Variants in MECOM observed in about 807,000 individuals in gnomAD.
MECOM encodes the protein histone-lysine N-methyltransferase MECOM.
MECOM carries 13 observed loss-of-function variants against 116.3 expected under a neutral mutation model. The ratio of observed to expected loss-of-function variants is 0.11; its 90% CI spans 0.07 to 0.18. The LOEUF (loss-of-function observed/expected upper bound fraction) is 0.18. Among genes scored for constraint, MECOM ranks in the 10% least tolerant of loss-of-function variants. The pLI is 1.00. For missense variants in MECOM, 1,299 were observed against 1,509.0 expected, an observed-to-expected ratio of 0.86 and a Z score of 2.31; for synonymous variants, 528 against 535.2, an observed-to-expected ratio of 0.99 and a Z score of 0.19.
At chr3:169,106,560 C>T (rs994769761) in intron 10 of MECOM, among the ~76,000 whole-genome samples, 20 of 152,060 alleles carry the variant, frequency 1.3e-4, no homozygotes, top group Non-Finnish European at 1.9e-4. Flanking sequence ...ACCTGTGACT[C>T]AATGGAATGG....
chr3:169,457,244 C>A (rs992757246), intron 1 of MECOM, among the ~76,000 whole-genome samples: 1 of 152,140 alleles, frequency 6.6e-6, no homozygotes, highest in Admixed American at 6.5e-5. Context: ...ATGGATGGGG[C>A]AGCGCTTAGG....
chr3:169,293,626 C>A (rs532904450), intron 2 of MECOM, among the ~76,000 whole-genome samples: 1 of 152,310 alleles, frequency 6.6e-6, no homozygotes, highest in African/African-American at 2.4e-5. Context: ...TACTCTTTAT[C>A]CCCTTCCTCA....
intron 1 of MECOM, among the ~76,000 whole-genome samples, chr3:169,575,236 C>T (rs2109481150): frequency 6.6e-6 from 1 of 152,240 alleles, no homozygotes; most frequent in South Asian, 2.1e-4. Flanking sequence ...TTGGCTCCAT[C>T]AAAATAAGTT....
chr3:169,520,249 C>T (rs1432386173), intron 1 of MECOM, among the ~76,000 whole-genome samples: 1 of 152,212 alleles, frequency 6.6e-6, no homozygotes, highest in East Asian at 1.9e-4. Flanking sequence ...CTCCCAGTTA[C>T]TTCTCCAGTA....
In MECOM at chr3:169,298,030, C is replaced by T. The variant is rs1052015903; in HGVS notation, c.375+83157G>A. ...ATCACCATAAAAACTGATTATACAT[C>T]ATCCACGGCAATATTATCATCCAGC... On this transcript the variant is annotated intron_variant, in intron 2 of 16. Transcript: ENST00000651503. 3.9e-5 allele frequency among the ~76,000 whole-genome samples: 6 copies of T among 152,150 alleles called. 1 individual carries two copies. The highest frequency in any genetic ancestry group is 3.9e-4 in the Admixed American group (6 of 15,282).
chr3:169,625,184 T>C (rs140431026), intron 1 of MECOM, among the ~76,000 whole-genome samples: 1 of 152,316 alleles, frequency 6.6e-6, no homozygotes, highest in East Asian at 1.9e-4. Flanking sequence ...GACAAATTAA[T>C]AGTGAGACTT....
At chr3:169,413,208 GCCGAAGCAGGGTGAGGCATTGCCT>G (rs1252506015) in intron 1 of MECOM, among the ~76,000 whole-genome samples, 2 of 152,202 alleles carry the variant, frequency 1.3e-5, no homozygotes, top group Non-Finnish European at 2.9e-5. Flanking sequence ...CAGAGGGCGA[GCCGAAGCAGGGTGAGGCATTGCCT>G]CACCTGCAAA....
chr3:169,393,266 C>A (rs2108348001), intron 1 of MECOM, among the ~76,000 whole-genome samples: 1 of 152,268 alleles, frequency 6.6e-6, no homozygotes, highest in South Asian at 2.1e-4. Flanking sequence ...CTGGCCAGAG[C>A]ACCCTGGAAC....
At chr3:169,567,821 T>A (rs7620590) in intron 1 of MECOM, among the ~76,000 whole-genome samples, 9 of 152,150 alleles carry the variant, frequency 5.9e-5, no homozygotes, top group African/African-American at 1.7e-4. Flanking sequence ...ATATCTGTAC[T>A]CAGAGGTGGT....
At chr3:169,377,863 A>T (rs557194072) in intron 2 of MECOM, among the ~76,000 whole-genome samples, 1 of 152,298 alleles carries the variant, frequency 6.6e-6, no homozygotes, top group East Asian at 1.9e-4. Context: ...CTATAAAGAC[A>T]CATGCACATG....
intron 2 of MECOM, among the ~76,000 whole-genome samples, chr3:169,265,791 T>G (rs1329859587): frequency 6.6e-6 from 1 of 152,238 alleles, no homozygotes; most frequent in Non-Finnish European, 1.5e-5. Flanking sequence ...TATCAGATTC[T>G]AATTCTCTAT....
intron 2 of MECOM, chr3:169,146,710 G>A: frequency 8.0e-7 from 1 of 1,249,844 alleles, no homozygotes; most frequent in Non-Finnish European, 1.0e-6. Flanking sequence ...TTTAAAGTGA[G>A]GAGTTCTCTT....
chr3:169,125,671 G>T (rs1732588768), intron 5 of MECOM, among the ~76,000 whole-genome samples: 1 of 152,076 alleles, frequency 6.6e-6, no homozygotes, highest in Admixed American at 6.6e-5. Flanking sequence ...AAGTAAATGT[G>T]CATTGCTTTC....
At chr3:169,409,696 C>T (rs147027338) in intron 1 of MECOM, among the ~76,000 whole-genome samples, 1,694 of 152,316 alleles carry the variant, frequency 0.011, 137 homozygotes, top group Admixed American at 0.11. Flanking sequence ...ACCCTCATAA[C>T]TGTACTCCCA....
intron 2 of MECOM, among the ~76,000 whole-genome samples, chr3:169,201,719 T>C (rs571010278): frequency 1.3e-5 from 2 of 152,134 alleles, no homozygotes; most frequent in African/African-American, 4.8e-5. Flanking sequence ...TAATGCCAAC[T>C]TGGCTAAACG....
chr3:169,485,984 AGTATATATAT>A (rs1560341053), intron 1 of MECOM, among the ~76,000 whole-genome samples: 1 of 101,840 alleles, frequency 9.8e-6, no homozygotes, highest in Non-Finnish European at 1.8e-5. Context: ...ATATATATAT[AGTATATATAT>A]GTATATATAT....
At chr3:169,108,104 T>G (rs1726059481) in intron 9 of MECOM, 152 bp from the exon 10 acceptor site, 1 of 553,030 alleles carries the variant, frequency 1.8e-6, no homozygotes, top group Non-Finnish European at 3.2e-6. Flanking sequence ...GAAATAAAAA[T>G]TAAATATTGT....
chr3:169,584,331 C>T (rs568652043), intron 1 of MECOM, among the ~76,000 whole-genome samples: 5 of 151,728 alleles, frequency 3.3e-5, no homozygotes, highest in South Asian at 4.2e-4. Flanking sequence ...TTTGGGAGGC[C>T]GGGGCGGGCG....
At chr3:169,635,464 A>G (rs1246613318) in intron 1 of MECOM, among the ~76,000 whole-genome samples, 2 of 152,176 alleles carry the variant, frequency 1.3e-5, no homozygotes, top group Non-Finnish European at 2.9e-5. Flanking sequence ...TCCCATTGCT[A>G]TCTGCCATGC....
Sources: allele counts gnomAD v4.1 joint callset (sites outside exome capture counted in the v4.1 genomes callset), GRCh38; gene constraint gnomAD v4.1.1; transcripts MANE v1.5; gene names NCBI Gene and HGNC (gene_info 2026-07-23, HGNC 2026-07-21).